Variants in CDC14A observed in about 807,000 individuals in gnomAD.
CDC14A encodes the protein dual specificity protein phosphatase CDC14A.
CDC14A carries 53 observed loss-of-function variants against 74.4 expected under a neutral mutation model. The observed-to-expected ratio is 0.71, with a 90% confidence interval of 0.57 to 0.89. The LOEUF is 0.89. CDC14A is among the 40% of genes least tolerant of loss of function. The probability of loss-of-function intolerance (pLI) is 0.00; values close to 1 mark genes in which losing one functional copy is unlikely to be tolerated. For synonymous variants in CDC14A, 247 were observed against 258.4 expected (o/e 0.96, Z 0.43); for missense variants, 646 against 713.7 (o/e 0.91, Z 1.08).
intron 6 of CDC14A, among the ~76,000 whole-genome samples, chr1:100,440,475 A>G (rs1664804315): frequency 6.6e-6 from 1 of 152,198 alleles, no homozygotes; most frequent in South Asian, 2.1e-4. Context: ...ACCAAGTCAT[A>G]GTTATTTAAT....
chr1:100,458,738 GAA>G (rs1238099806), intron 8 of CDC14A, among the ~76,000 whole-genome samples: 4 of 150,148 alleles, frequency 2.7e-5, no homozygotes, highest in Non-Finnish European at 4.4e-5. Context: ...TGAGGAGGCT[GAA>G]AGTCATTTTA....
intron 4 of CDC14A, among the ~76,000 whole-genome samples, chr1:100,412,929 C>CG (rs1485853717): frequency 6.7e-6 from 1 of 150,078 alleles, no homozygotes; most frequent in Non-Finnish European, 1.5e-5. Flanking sequence ...CATTTAAGAA[C>CG]GATTAATTCT....
intron 4 of CDC14A, chr1:100,393,900 G>T (rs535102276): frequency 2.2e-5 from 5 of 227,036 alleles, no homozygotes; most frequent in African/African-American, 2.3e-5. Flanking sequence ...CCAAGATTGC[G>T]CCACTGCACT....
intron 12 of CDC14A, among the ~76,000 whole-genome samples, chr1:100,495,181 A>G (rs950543894): frequency 7.2e-5 from 11 of 152,104 alleles, no homozygotes; most frequent in Admixed American, 4.6e-4. Flanking sequence ...TATCTCTGGG[A>G]CTCTGTTTCA....
intron 4 of CDC14A, among the ~76,000 whole-genome samples, chr1:100,419,784 C>A (rs1312675605): frequency 6.6e-6 from 1 of 151,956 alleles, no homozygotes; most frequent in Non-Finnish European, 1.5e-5. Context: ...ATGTTAATTT[C>A]AAAGCTATCG....
chr1:100,493,820 C>G (rs1647366630), intron 11 of CDC14A, among the ~76,000 whole-genome samples: 1 of 152,128 alleles, frequency 6.6e-6, no homozygotes, highest in African/African-American at 2.4e-5. Flanking sequence ...TACTGTGGAA[C>G]CCAACATAGG....
chr1:100,463,406 C>T (rs1180477899), intron 9 of CDC14A, among the ~76,000 whole-genome samples: 3 of 152,168 alleles, frequency 2.0e-5, no homozygotes, highest in East Asian at 1.9e-4. Context: ...AGGGGCAATC[C>T]GCTAGCTTAC....
intron 4 of CDC14A, among the ~76,000 whole-genome samples, chr1:100,412,250 A>T (rs1644919193): frequency 6.6e-6 from 1 of 151,984 alleles, no homozygotes; most frequent in South Asian, 2.1e-4. Flanking sequence ...CTCTTATGCT[A>T]CTCTGCCATA....
Position 100,480,033 on chromosome 1 carries a change from T to C in CDC14A, c.978-4259T>C, listed in dbSNP as rs138134574. Among the ~76,000 whole-genome samples the C allele has an allele frequency of 4.7e-3, 716 of 152,302 alleles. 16 individuals are homozygous for C. The highest frequency in any genetic ancestry group is 0.039 in the East Asian group (200 of 5,190). ...CCTTACAATTTTAACCATTATTATATGTATAATTCAGTGACTTTATATATG... is the reference window on the plus strand; with the variant it reads ...CCTTACAATTTTAACCATTATTATACGTATAATTCAGTGACTTTATATATG... On this transcript the variant is annotated intron_variant, in intron 10 of 15. Coordinates refer to ENST00000336454, the MANE Select transcript of CDC14A (RefSeq NM_003672.4).
At chr1:100,491,544 C>CTATA (rs1557821650) in intron 11 of CDC14A, among the ~76,000 whole-genome samples, 19 of 41,320 alleles carry the variant, frequency 4.6e-4, no homozygotes, top group Non-Finnish European at 8.3e-4. Context: ...CTCTCTCTCT[C>CTATA]TCTCTATATA....
intron 12 of CDC14A, 60 bp from the exon 13 acceptor site, chr1:100,495,942 T>TG: frequency 7.3e-7 from 1 of 1,367,338 alleles, no homozygotes; most frequent in South Asian, 1.2e-5. Flanking sequence ...ATGTGCCTTG[T>TG]GGTCTTTGTG....
intron 5 of CDC14A, among the ~76,000 whole-genome samples, chr1:100,431,497 A>C (rs1484831807): frequency 6.6e-6 from 1 of 152,088 alleles, no homozygotes; most frequent in African/African-American, 2.4e-5. Flanking sequence ...ATGTTATGAA[A>C]AGCTCTTAAA....
chr1:100,402,583 T>C (rs1659409779), intron 4 of CDC14A, among the ~76,000 whole-genome samples: 1 of 152,218 alleles, frequency 6.6e-6, no homozygotes, highest in Non-Finnish European at 1.5e-5. Context: ...ACTGGTGAAG[T>C]ATCTCCACAG....
chr1:100,444,962 G>A (rs966248862), intron 7 of CDC14A, among the ~76,000 whole-genome samples: 1 of 151,636 alleles, frequency 6.6e-6, no homozygotes, highest in African/African-American at 2.4e-5. Context: ...TACCATAAAA[G>A]CATTTTAGTA....
chr1:100,398,912 A>C (rs556344416), intron 4 of CDC14A, among the ~76,000 whole-genome samples: 1 of 152,286 alleles, frequency 6.6e-6, no homozygotes, highest in East Asian at 1.9e-4. Flanking sequence ...ACCATCAGAC[A>C]GGGAGAATAG....
intron 4 of CDC14A, among the ~76,000 whole-genome samples, chr1:100,407,952 C>G (rs1660165595): frequency 1.3e-5 from 2 of 151,862 alleles, no homozygotes; most frequent in Admixed American, 1.3e-4. Flanking sequence ...GGTACATGTG[C>G]AGGTTTGTTG....
At chr1:100,400,573 T>G (rs1478729071) in intron 4 of CDC14A, among the ~76,000 whole-genome samples, 1 of 152,192 alleles carries the variant, frequency 6.6e-6, no homozygotes, top group Non-Finnish European at 1.5e-5. Flanking sequence ...TCCTTCCTTT[T>G]GTAGTTTGAT....
At chr1:100,494,991 A>G in intron 12 of CDC14A, 61 bp downstream of exon 12, 3 of 837,006 alleles carry the variant, frequency 3.6e-6, no homozygotes, top group East Asian at 5.1e-5. Flanking sequence ...AGAACATTTC[A>G]TCTTCTCTTT....
intron 5 of CDC14A, among the ~76,000 whole-genome samples, chr1:100,428,729 A>G (rs1017013765): frequency 6.6e-6 from 1 of 152,184 alleles, no homozygotes; most frequent in Non-Finnish European, 1.5e-5. Context: ...ATTTGTGAAA[A>G]TTTAAAGTCC....
Sources: gnomAD v4.1 joint callset for allele counts (sites outside exome capture counted in the v4.1 genomes callset) on GRCh38, gnomAD v4.1.1 for gene constraint, MANE v1.5 for transcripts, NCBI Gene and HGNC (gene_info 2026-07-23, HGNC 2026-07-21) for gene names.